FREM2: variants seen among roughly 807,000 people sequenced by gnomAD.
FREM2 encodes FRAS1 related extracellular matrix 2.
A neutral mutation model predicts 219.9 loss-of-function variants in FREM2; 119 were observed. The ratio of observed to expected loss-of-function variants is 0.54; its 90% CI spans 0.47 to 0.63. FREM2 has a LOEUF of 0.63. Among genes scored for constraint, FREM2 ranks in the 30% least tolerant of loss-of-function variants. FREM2 has a pLI of 0.00. For synonymous variants in FREM2, 1,562 were observed against 1,522.8 expected (o/e 1.03, Z -0.60); for missense variants, 4,030 against 3,993.6 (o/e 1.01, Z -0.25).
At chr13:38,783,347 G>A (rs2137829935) in intron 5 of FREM2, 152 bp downstream of exon 5, 1 of 861,968 alleles carries the variant, frequency 1.2e-6, no homozygotes, top group East Asian at 2.6e-5. Context: ...TCTTTCTTCA[G>A]GATTTCACCT....
intron 2 of FREM2, among the ~76,000 whole-genome samples, chr13:38,753,276 A>G (rs968222458): frequency 2.6e-5 from 4 of 152,166 alleles, no homozygotes; most frequent in African/African-American, 7.2e-5. Context: ...ATACACATAT[A>G]ATTATACTTA....
chr13:38,778,122 A>G (rs1201295335), intron 4 of FREM2, among the ~76,000 whole-genome samples: 1 of 152,258 alleles, frequency 6.6e-6, no homozygotes, highest in Non-Finnish European at 1.5e-5. Flanking sequence ...CCACTTCTGA[A>G]TAACTTATTT....
intron 3 of FREM2, among the ~76,000 whole-genome samples, chr13:38,765,022 T>G (rs1210442734): frequency 6.6e-6 from 1 of 152,156 alleles, no homozygotes; most frequent in South Asian, 2.1e-4. Flanking sequence ...GCCATTCTCC[T>G]GCCTCAGCCT....
intron 2 of FREM2, among the ~76,000 whole-genome samples, chr13:38,763,720 A>G (rs1173772486): frequency 1.3e-5 from 2 of 152,100 alleles, no homozygotes; most frequent in Non-Finnish European, 2.9e-5. Context: ...ATGGAAGGGG[A>G]AAACCTTATC....
chr13:38,832,607 T>G (rs1160131263), intron 6 of FREM2, among the ~76,000 whole-genome samples: 1 of 152,192 alleles, frequency 6.6e-6, no homozygotes, highest in East Asian at 1.9e-4. Flanking sequence ...CATACCATTC[T>G]CTATCTACCA....
intron 16 of FREM2, among the ~76,000 whole-genome samples, chr13:38,871,046 G>A (rs9603461): frequency 0.32 from 48,813 of 152,000 alleles, 8,629 homozygotes; most frequent in East Asian, 0.46. Flanking sequence ...AAAATCAATT[G>A]CTCAATGAGG....
intron 6 of FREM2, among the ~76,000 whole-genome samples, chr13:38,788,982 A>G (rs1251814583): frequency 6.6e-6 from 1 of 152,118 alleles, no homozygotes; most frequent in Non-Finnish European, 1.5e-5. Flanking sequence ...TAAGCCACCC[A>G]TATATGCTTG....
intron 6 of FREM2, among the ~76,000 whole-genome samples, chr13:38,814,537 G>A (rs1433915320): frequency 6.6e-6 from 1 of 152,056 alleles, no homozygotes; most frequent in African/African-American, 2.4e-5. Context: ...TGAGCCACCT[G>A]GAACCTGGGG....
At chr13:38,818,044 G>A (rs558235331) in intron 6 of FREM2, among the ~76,000 whole-genome samples, 31 of 152,228 alleles carry the variant, frequency 2.0e-4, no homozygotes, top group Admixed American at 5.9e-4. Flanking sequence ...AAGTGTTGGT[G>A]AGAATGTGGA....
At position 38,784,805 on chromosome 13, in the gene FREM2, G is replaced by C. The variant is rs1231644914; in HGVS notation, c.6016G>C (p.Asp2006His). 1.2e-6 allele frequency: 2 copies of C among 1,614,004 alleles called. No homozygotes were observed. Among genetic ancestry groups the C allele is most frequent in the African/African-American group, 2.7e-5 (2 of 74,956 alleles). Residue 2006 changes from aspartate to histidine, a missense_variant, in exon 6 of 24, where the codon GAT becomes CAT. Around this residue, in one of 2 missense-constraint regions of FREM2, gnomAD observed 3,102 missense variants for 2,950.7 expected, o/e 1.05. Coordinates refer to ENST00000280481, the MANE Select transcript of FREM2 (RefSeq NM_207361.6). ...AGTTACAATCGTTCCTGACAAAGAT[G>C]ATGGTGAGTACTAATTTACTTGAAA... ...AQVTIVPDKDDEPIFYFGDVE... is the reference protein window; with the variant it reads ...AQVTIVPDKDHEPIFYFGDVE...
At chr13:38,836,369 C>G (rs1443686112) in intron 6 of FREM2, among the ~76,000 whole-genome samples, 4 of 152,178 alleles carry the variant, frequency 2.6e-5, no homozygotes, top group Admixed American at 6.5e-5. Flanking sequence ...AGGATTTTCA[C>G]ATGGATGTTC....
At chr13:38,692,751 A>G (rs1869949317) in intron 1 of FREM2, among the ~76,000 whole-genome samples, 1 of 152,192 alleles carries the variant, frequency 6.6e-6, no homozygotes, top group African/African-American at 2.4e-5. Context: ...TGGCAAGGAT[A>G]GGCTGCCGAA....
chr13:38,866,091 C>T (rs2137927255), intron 16 of FREM2, among the ~76,000 whole-genome samples: 1 of 152,202 alleles, frequency 6.6e-6, no homozygotes, highest in East Asian at 1.9e-4. Context: ...TTTCTATTTC[C>T]TTTCTGGTTG....
rs752777198 is a variant in FREM2 at position 38,861,426 on chromosome 13, T to C, written c.7520-5T>C. On this transcript the variant is annotated splice_region_variant and splice_polypyrimidine_tract_variant and intron_variant, in intron 14 of 23. Coordinates refer to ENST00000280481, the MANE Select transcript of FREM2 (RefSeq NM_207361.6). Reference sequence around the variant, plus strand: ...CGCATAAATATGGTCTTTTTTTTTTTCAAGGTCTTTGTCAGCCCCGTGTAC... The same window carrying C: ...CGCATAAATATGGTCTTTTTTTTTTCCAAGGTCTTTGTCAGCCCCGTGTAC... 1 of 1,612,458 alleles carries C rather than the reference T, an allele frequency of 6.2e-7. No homozygotes were observed. The highest frequency in any genetic ancestry group is 8.5e-7 in the Non-Finnish European group (1 of 1,178,878).
At chr13:38,704,906 T>C (rs1196619677) in intron 2 of FREM2, among the ~76,000 whole-genome samples, 4 of 152,042 alleles carry the variant, frequency 2.6e-5, no homozygotes, top group Non-Finnish European at 5.9e-5. Context: ...TCAGATCTCA[T>C]GAGAACTCAC....
chr13:38,752,403 T>C (rs1291050346), intron 2 of FREM2, among the ~76,000 whole-genome samples: 3 of 152,186 alleles, frequency 2.0e-5, no homozygotes, highest in Non-Finnish European at 4.4e-5. Context: ...ATTTAGATTT[T>C]AAAAACAATA....
At chr13:38,717,671 C>A (rs1462036465) in intron 2 of FREM2, among the ~76,000 whole-genome samples, 2 of 152,028 alleles carry the variant, frequency 1.3e-5, no homozygotes, top group Non-Finnish European at 2.9e-5. Flanking sequence ...CCCACCTTGG[C>A]CTCCCAAAGT....
intron 6 of FREM2, among the ~76,000 whole-genome samples, chr13:38,786,437 T>A (rs533913509): frequency 6.6e-6 from 1 of 152,326 alleles, no homozygotes; most frequent in East Asian, 1.9e-4. Flanking sequence ...ACTGCTGCCT[T>A]AATTGATCAG....
chr13:38,746,640 G>A lies in FREM2; in HGVS notation c.5264-17664G>A, dbSNP rs201653521. Among the ~76,000 whole-genome samples, 190 of 152,022 alleles carry A rather than the reference G, an allele frequency of 1.2e-3. 1 individual carries two copies. The highest frequency in any genetic ancestry group is 5.6e-3 in the East Asian group (29 of 5,142). On this transcript the variant is annotated intron_variant, in intron 2 of 23. Transcript: ENST00000280481. ...AAGAGCCTCATTTATAGGAAACCTT[G>A]AAAAGATAAGCTTATGCATTTTTTA... is the stretch of plus-strand genomic sequence containing the variant.
Sources: gnomAD v4.1 joint callset for allele counts (sites outside exome capture counted in the v4.1 genomes callset) on GRCh38, gnomAD v4.1.1 for gene constraint, gnomAD v4.1.1 regional missense constraint, MANE v1.5 for transcripts, NCBI Gene and HGNC (gene_info 2026-07-23, HGNC 2026-07-21) for gene names.